TSGA10: variants seen among roughly 807,000 people sequenced by gnomAD.
The protein encoded by TSGA10 is testis specific 10.
Under a neutral mutation model 96.6 loss-of-function variants are expected in TSGA10, and 43 were observed. That is an observed-to-expected ratio of 0.44 (90% CI 0.35 to 0.57). The LOEUF (loss-of-function observed/expected upper bound fraction) is 0.57, where lower values mean the gene tolerates loss of function less well. TSGA10 is among the 20% of genes least tolerant of loss of function. The pLI, the probability that TSGA10 is intolerant of heterozygous loss-of-function variation, is 0.01. For synonymous variants in TSGA10, 229 were observed against 269.9 expected (o/e 0.85, Z 1.48); for missense variants, 703 against 834.4 (o/e 0.84, Z 1.94).
intron 1 of TSGA10, chr2:99,151,370 G>A (rs2931530): frequency 2.0e-5 from 3 of 149,416 alleles, no homozygotes; most frequent in African/African-American, 4.9e-5. Flanking sequence ...GGCTGAGGAA[G>A]GAGAATCGCT....
chr2:99,046,545 C>A (rs1382048125), intron 16 of TSGA10, among the ~76,000 whole-genome samples: 1 of 152,104 alleles, frequency 6.6e-6, no homozygotes, highest in Non-Finnish European at 1.5e-5. Flanking sequence ...ACACAACATA[C>A]TAGAATCTCT....
At chr2:99,114,775 C>T (rs1403310830) in intron 4 of TSGA10, among the ~76,000 whole-genome samples, 1 of 152,080 alleles carries the variant, frequency 6.6e-6, no homozygotes, top group African/African-American at 2.4e-5. Flanking sequence ...AGAACATAAA[C>T]CCTAACAACC....
intron 10 of TSGA10, among the ~76,000 whole-genome samples, chr2:99,093,598 C>T (rs2089638787): frequency 1.3e-5 from 2 of 151,964 alleles, no homozygotes; most frequent in Admixed American, 6.6e-5. Context: ...CACTGCTATA[C>T]ACCAACAGCA....
intron 10 of TSGA10, among the ~76,000 whole-genome samples, chr2:99,085,423 AG>A (rs1308550153): frequency 6.6e-6 from 1 of 151,782 alleles, no homozygotes; most frequent in Non-Finnish European, 1.5e-5. Flanking sequence ...TGGGCAACAT[AG>A]GAAGACCCCC....
Position 99,081,286 on chromosome 2 carries a change from T to G in TSGA10, c.723A>C (p.Lys241Asn). 6.5e-7 allele frequency: 1 copy of G among 1,542,964 alleles called. No homozygotes were observed. The highest frequency in any genetic ancestry group is 8.7e-7 in the Non-Finnish European group (1 of 1,144,752). The change falls in exon 11 of 21, where the codon AAA becomes AAC. Residue 241 changes from lysine (K) to asparagine (N), a missense_variant. Physicochemically the swap from Lys to Asn is moderately conservative, Grantham distance 94. This residue lies in a region of TSGA10 where 585 missense variants were observed against 656.8 expected (regional missense o/e 0.89). Transcript: ENST00000393483. ...TQEKIMCLDE[K>N]IDNFTRQNIA... is the part of the protein sequence containing the mutation. ...TATTAAGAGAAAAAAACTCACCAATTTTTTCATCCAAGCACATAATTTTCT... is the reference window on the plus strand; with the variant it reads ...TATTAAGAGAAAAAAACTCACCAATGTTTTCATCCAAGCACATAATTTTCT...
At chr2:99,097,962 TAATAGAAA>T (rs2104745021) in intron 10 of TSGA10, among the ~76,000 whole-genome samples, 1 of 152,254 alleles carries the variant, frequency 6.6e-6, no homozygotes, top group African/African-American at 2.4e-5. Flanking sequence ...AGTCACTTAG[TAATAGAAA>T]AATTGTAAAC....
At position 99,080,963 on chromosome 2, in the gene TSGA10, C is replaced by A. The variant is rs527300691; in HGVS notation, c.727+319G>T. On this transcript the variant is annotated intron_variant, in intron 11 of 20. Transcript: ENST00000393483. ...CAAAAGTAATATATAGGTACTGTTT[C>A]ATTACAGCAGCTATGGACAAGCTAC... 2.0e-5 allele frequency among the ~76,000 whole-genome samples: 3 copies of A among 152,230 alleles called. No individual in the cohort carries two copies. In the South Asian group the frequency reaches 6.2e-4, roughly 32 times the overall value.
intron 4 of TSGA10, among the ~76,000 whole-genome samples, chr2:99,114,211 C>T (rs2092057155): frequency 6.6e-6 from 1 of 152,090 alleles, no homozygotes; most frequent in African/African-American, 2.4e-5. Flanking sequence ...TCTCAGCAAT[C>T]GAATTAGAAA....
At chr2:99,000,125 A>G (rs982218117) in intron 20 of TSGA10, among the ~76,000 whole-genome samples, 1 of 152,156 alleles carries the variant, frequency 6.6e-6, no homozygotes, top group Non-Finnish European at 1.5e-5. Context: ...TAATCCTAGC[A>G]CTTTGGGAGG....
At chr2:99,110,986 CA>C (rs375731061) in intron 4 of TSGA10, 71 bp from the exon 5 acceptor site, 370 of 372,068 alleles carry the variant, frequency 9.9e-4, no homozygotes, top group African/African-American at 5.6e-3. Context: ...AAAAGAACAT[CA>C]AAAAAAAGGA....
At chr2:99,006,303 T>C (rs1292316851) in intron 20 of TSGA10, among the ~76,000 whole-genome samples, 1 of 152,032 alleles carries the variant, frequency 6.6e-6, no homozygotes, top group Non-Finnish European at 1.5e-5. Flanking sequence ...GGGATCTAAT[T>C]AAACTAAAGA....
At chr2:99,100,734 G>A (rs1434387739) in intron 10 of TSGA10, among the ~76,000 whole-genome samples, 7 of 150,906 alleles carry the variant, frequency 4.6e-5, no homozygotes, top group Non-Finnish European at 8.9e-5. Flanking sequence ...GCAGGAGAAT[G>A]GTGTGAACCC....
In TSGA10 at chr2:99,145,962, T is replaced by A. The variant is rs372044813; in HGVS notation, c.-621+8731A>T. Among the ~76,000 whole-genome samples the A allele has an allele frequency of 9.9e-5, 15 of 152,154 alleles. No individual in the cohort carries two copies. The East Asian group carries it at 2.7e-3, about 27-fold the overall frequency. On this transcript the variant is annotated intron_variant, in intron 1 of 20. Coordinates refer to ENST00000393483, the MANE Select transcript of TSGA10 (RefSeq NM_025244.4). ...GCCTGGGCAACACAGTGACACCCTG[T>A]CTCTACAAAAAAAATGAATTTTAAA...
At chr2:99,083,306 G>A (rs928197570) in intron 10 of TSGA10, among the ~76,000 whole-genome samples, 1 of 152,152 alleles carries the variant, frequency 6.6e-6, no homozygotes, top group Non-Finnish European at 1.5e-5. Context: ...CCAGTGGATC[G>A]TGATAAGTAA....
At chr2:99,035,814 T>A (rs2105086397) in intron 16 of TSGA10, among the ~76,000 whole-genome samples, 1 of 152,230 alleles carries the variant, frequency 6.6e-6, no homozygotes, top group Non-Finnish European at 1.5e-5. Flanking sequence ...ATTGTTGTTG[T>A]TAAAAACAAA....
intron 16 of TSGA10, among the ~76,000 whole-genome samples, chr2:99,041,650 T>C (rs2082192707): frequency 6.6e-6 from 1 of 152,040 alleles, no homozygotes; most frequent in Admixed American, 6.6e-5. Flanking sequence ...TGAAACTGGA[T>C]CCTCACCTCT....
At chr2:99,018,045 A>G (rs967781758) in intron 20 of TSGA10, among the ~76,000 whole-genome samples, 155 bp downstream of exon 20, 1 of 152,188 alleles carries the variant, frequency 6.6e-6, no homozygotes, top group African/African-American at 2.4e-5. Flanking sequence ...TAATTTAATT[A>G]TCAAAATCCT....
At chr2:99,026,176 T>C (rs2080543694) in intron 17 of TSGA10, among the ~76,000 whole-genome samples, 1 of 152,190 alleles carries the variant, frequency 6.6e-6, no homozygotes, top group African/African-American at 2.4e-5. Context: ...TTATTGAAAG[T>C]GGGGTATTGA....
rs944031587 is a variant in TSGA10, at chr2:99,105,212, T to A, written c.459+147A>T. The A allele has an allele frequency of 2.0e-5, 12 of 586,240 alleles. No homozygotes were observed. In the African/African-American group the frequency reaches 2.3e-4, roughly 11 times the overall value. The allele number at this position is 586,240 out of a possible 1,614,324, so 36.3% of individuals were successfully genotyped here. A position where few individuals can be genotyped will look rare whatever the true frequency, so the allele number is the denominator to read the frequency against. The stretch of plus-strand genomic sequence containing the variant: ...ATAAACAAATGAAAAAGTGACAATT[T>A]ACACTATAAAATACCTTAAGTATTT... On this transcript the variant is annotated intron_variant, in intron 9 of 20. Coordinates refer to ENST00000393483, the MANE Select transcript of TSGA10 (RefSeq NM_025244.4).
Sources: gnomAD v4.1 joint callset for allele counts (sites outside exome capture counted in the v4.1 genomes callset) on GRCh38, gnomAD v4.1.1 for gene constraint, gnomAD v4.1.1 regional missense constraint, MANE v1.5 for transcripts, NCBI Gene and HGNC (gene_info 2026-07-23, HGNC 2026-07-21) for gene names.